GALNT3: variants seen among roughly 807,000 people sequenced by gnomAD.
The protein encoded by GALNT3 is GalNAc transferase 3.
Under a neutral mutation model 69.8 loss-of-function variants are expected in GALNT3, and 51 were observed. That is an observed-to-expected ratio of 0.73 (90% CI 0.58 to 0.92). GALNT3 has a LOEUF of 0.92. GALNT3 is among the 40% of genes least tolerant of loss of function. The pLI, the probability that GALNT3 is intolerant of heterozygous loss-of-function variation, is 0.00. For synonymous variants in GALNT3, 265 were observed against 248.5 expected, an observed-to-expected ratio of 1.07 and a Z score of -0.63; for missense variants, 711 against 760.0, an observed-to-expected ratio of 0.94 and a Z score of 0.76.
At chr2:165,783,150 A>C (rs1402688656) in intron 1 of GALNT3, among the ~76,000 whole-genome samples, 1 of 152,130 alleles carries the variant, frequency 6.6e-6, no homozygotes, top group African/African-American at 2.4e-5. Flanking sequence ...AAAATCAGAG[A>C]GCCAATTTCA....
At chr2:165,758,930 G>T in intron 5 of GALNT3, 66 bp from the exon 6 acceptor site, 2 of 997,168 alleles carry the variant, frequency 2.0e-6, no homozygotes, top group South Asian at 2.7e-5. Context: ...CATATTTTAA[G>T]AACTGAAGTT....
At chr2:165,784,621 A>T (rs1171651783) in intron 1 of GALNT3, among the ~76,000 whole-genome samples, 1 of 152,100 alleles carries the variant, frequency 6.6e-6, no homozygotes, top group East Asian at 1.9e-4. Flanking sequence ...GGATTGCTTG[A>T]GCCCAGGAGT....
intron 8 of GALNT3, 33 bp from the exon 9 acceptor site, chr2:165,754,761 T>C: frequency 6.6e-7 from 1 of 1,504,772 alleles, no homozygotes; most frequent in Non-Finnish European, 9.2e-7. Context: ...TGAAAAGTTT[T>C]TTAATCCATG....
chr2:165,756,998 G>T, intron 7 of GALNT3, 49 bp downstream of exon 7: 1 of 1,434,624 alleles, frequency 7.0e-7, no homozygotes, highest in Non-Finnish European at 9.8e-7. Context: ...AAGGACGTGT[G>T]AACTTGTTAT....
At position 165,764,953 on chromosome 2, in the gene GALNT3, T is replaced by C. The variant is rs1688612000; in HGVS notation, c.619A>G (p.Ser207Gly). 11 of 1,614,100 alleles carry C rather than the reference T, an allele frequency of 6.8e-6. No individual in the cohort carries two copies. Among genetic ancestry groups the C allele is most frequent in the Non-Finnish European group, 9.3e-6 (11 of 1,180,034 alleles). The part of the protein sequence containing the change: ...AWSTLLRTVH[S>G]VLYSSPAILL... Reference sequence around the variant, plus strand: ...ATTGCAGGTGAAGAATAGAGCACACTGTGGACAGTTCTAAGCAACGTGGAC... The same window carrying C: ...ATTGCAGGTGAAGAATAGAGCACACCGTGGACAGTTCTAAGCAACGTGGAC... Residue 207 changes from serine (S) to glycine (G), a missense_variant, in exon 3 of 11, where the codon AGT becomes GGT. By Grantham distance (56) the Ser-to-Gly change is moderately conservative (BLOSUM62 0). Coordinates refer to ENST00000392701, the MANE Select transcript of GALNT3 (RefSeq NM_004482.4).
intron 9 of GALNT3, among the ~76,000 whole-genome samples, 153 bp from the exon 10 acceptor site, chr2:165,750,047 T>G (rs556498644): frequency 6.6e-6 from 1 of 152,250 alleles, no homozygotes; most frequent in East Asian, 1.9e-4. Context: ...TAAGCTGAGT[T>G]TTTGTGATAG....
intron 1 of GALNT3, among the ~76,000 whole-genome samples, chr2:165,783,226 C>T (rs1683150177): frequency 6.6e-6 from 1 of 152,138 alleles, no homozygotes; most frequent in Non-Finnish European, 1.5e-5. Flanking sequence ...CACTAATGTA[C>T]TTCTTAATAC....
chr2:165,759,503 T>TA lies in GALNT3; in HGVS notation c.905dup (p.Ser303LysfsTer13), dbSNP rs1342672651. On this transcript the variant is annotated frameshift_variant, in exon 5 of 11. Coordinates refer to ENST00000392701, the MANE Select transcript of GALNT3 (RefSeq NM_004482.4). LOFTEE classifies it high-confidence loss of function. ...GATCTATGGATGCAATATCTGGACT[T>TA]ACGACAGCCGTGTAGTTCTCAGCTA... 6 of 1,614,090 alleles carry TA rather than the reference T, an allele frequency of 3.7e-6. No homozygotes were observed. The highest frequency in any genetic ancestry group is 5.1e-6 in the Non-Finnish European group (6 of 1,180,012).
intron 2 of GALNT3, among the ~76,000 whole-genome samples, chr2:165,766,951 T>G (rs1038167179): frequency 3.3e-5 from 5 of 152,192 alleles, no homozygotes; most frequent in Non-Finnish European, 5.9e-5. Flanking sequence ...GGATGGATTC[T>G]GAGTGAAAGT....
At chr2:165,749,117 A>G (rs1178310177) in intron 10 of GALNT3, among the ~76,000 whole-genome samples, 1 of 152,134 alleles carries the variant, frequency 6.6e-6, no homozygotes, top group Non-Finnish European at 1.5e-5. Flanking sequence ...GAAGAGAGGC[A>G]GACAGAACAA....
intron 1 of GALNT3, among the ~76,000 whole-genome samples, chr2:165,790,006 C>T (rs1683310034): frequency 6.6e-6 from 1 of 152,130 alleles, no homozygotes; most frequent in South Asian, 2.1e-4. Context: ...GTACTACTAT[C>T]TATAAATAGA....
At chr2:165,756,964 T>A in intron 7 of GALNT3, 83 bp downstream of exon 7, 1 of 1,059,054 alleles carries the variant, frequency 9.4e-7, no homozygotes, top group Non-Finnish European at 1.4e-6. Flanking sequence ...TTTGATGTTT[T>A]GTACTTGAGA....
chr2:165,758,880 T>A lies in GALNT3; in HGVS notation c.1074-16A>T. 7.0e-7 allele frequency: 1 copy of A among 1,433,632 alleles called. No individual in the cohort carries two copies. Among genetic ancestry groups the A allele is most frequent in the South Asian group, 1.1e-5 (1 of 87,178 alleles). The allele number at this position is 1,433,632 out of a possible 1,614,324, so 88.8% of individuals were successfully genotyped here. On this transcript the variant is annotated splice_polypyrimidine_tract_variant and intron_variant, in intron 5 of 10. Coordinates refer to ENST00000392701, the MANE Select transcript of GALNT3 (RefSeq NM_004482.4). ...AGTGGGTGTTCTGAAAAATAATCCATTGTCAAATTTTGTTATAAAAACTAA... is the reference window on the plus strand; with the variant it reads ...AGTGGGTGTTCTGAAAAATAATCCAATGTCAAATTTTGTTATAAAAACTAA...
intron 1 of GALNT3, among the ~76,000 whole-genome samples, chr2:165,774,286 G>C (rs1338532112): frequency 6.6e-6 from 1 of 152,136 alleles, no homozygotes; most frequent in Non-Finnish European, 1.5e-5. Flanking sequence ...CTAGAAGTAG[G>C]CTAAATTAGG....
At chr2:165,749,005 A>G in intron 10 of GALNT3, 102 bp from the exon 11 acceptor site, 7 of 1,236,606 alleles carry the variant, frequency 5.7e-6, no homozygotes, top group Non-Finnish European at 8.0e-6. Context: ...CCTAATAGCA[A>G]ATCTTTCTAA....
In GALNT3 at chr2:165,749,020, A is replaced by G. The variant is rs940782584; in HGVS notation, c.1780-117T>C. 1.6e-5 allele frequency: 17 copies of G among 1,080,490 alleles called. 1 individual carries two copies. In the South Asian group the frequency reaches 2.2e-4, roughly 14 times the overall value. The allele number at this position is 1,080,490 out of a possible 1,614,324, so 66.9% of individuals were successfully genotyped here. A position where few individuals can be genotyped will look rare whatever the true frequency, so the allele number is the denominator to read the frequency against. On this transcript the variant is annotated intron_variant, in intron 10 of 10. Transcript: ENST00000392701. ...CCTAATAGCAAATCTTTCTAAGGTG[A>G]GCCATGTCTGATAAACTCTTTTTGG...
chr2:165,778,532 A>T (rs1683023709), intron 1 of GALNT3, among the ~76,000 whole-genome samples: 1 of 152,170 alleles, frequency 6.6e-6, no homozygotes, highest in African/African-American at 2.4e-5. Context: ...CAGGAGTTGT[A>T]AATACAGTAT....
intron 1 of GALNT3, among the ~76,000 whole-genome samples, chr2:165,784,380 G>A (rs963160154): frequency 2.0e-5 from 3 of 152,132 alleles, no homozygotes; most frequent in African/African-American, 7.2e-5. Context: ...GAGGCTAAAG[G>A]CAATTAGGAT....
intron 1 of GALNT3, among the ~76,000 whole-genome samples, chr2:165,792,593 T>A (rs1683376039): frequency 6.6e-6 from 1 of 152,332 alleles, no homozygotes; most frequent in African/African-American, 2.4e-5. Context: ...GCATCAGGCA[T>A]TTTAAGTAAA....
Sources: gnomAD v4.1 joint callset for allele counts (sites outside exome capture counted in the v4.1 genomes callset) on GRCh38, gnomAD v4.1.1 for gene constraint, MANE v1.5 for transcripts, NCBI Gene and HGNC (gene_info 2026-07-23, HGNC 2026-07-21) for gene names.